Variants in ZHX3 observed in about 807,000 individuals in gnomAD.
The protein encoded by ZHX3 is zinc fingers and homeoboxes protein 3.
In ZHX3, 20 loss-of-function variants were observed where a neutral mutation model predicts 64.5. The observed-to-expected ratio is 0.31, with a 90% CI of 0.22 to 0.45. ZHX3 has a LOEUF of 0.45. Ranked by LOEUF, ZHX3 falls within the 20% of genes least tolerant of loss-of-function variation. ZHX3 has a pLI of 1.00. For missense variants in ZHX3, 1,041 were observed against 1,195.8 expected (o/e 0.87, Z 1.91); for synonymous variants, 423 against 461.6 (o/e 0.92, Z 1.07).
chr20:41,234,603 A>C (rs2040838371), intron 2 of ZHX3, among the ~76,000 whole-genome samples: 1 of 152,230 alleles, frequency 6.6e-6, no homozygotes, highest in South Asian at 2.1e-4. Flanking sequence ...CTTCTTGAGC[A>C]CTCAGAAGAA....
intron 2 of ZHX3, among the ~76,000 whole-genome samples, chr20:41,208,068 A>C (rs2038868664): frequency 6.6e-6 from 1 of 152,248 alleles, no homozygotes; most frequent in East Asian, 1.9e-4. Flanking sequence ...AAATACCTCT[A>C]CGCAAATAAA....
intron 2 of ZHX3, among the ~76,000 whole-genome samples, chr20:41,225,526 C>G (rs532873150): frequency 1.3e-5 from 2 of 152,176 alleles, no homozygotes; most frequent in Admixed American, 1.3e-4. Context: ...TCACTCTTGT[C>G]GCTCAGGTTG....
At chr20:41,229,067 C>A (rs371052781) in intron 2 of ZHX3, among the ~76,000 whole-genome samples, 6 of 152,290 alleles carry the variant, frequency 3.9e-5, no homozygotes, top group East Asian at 1.9e-4. Context: ...ACAATAACTC[C>A]CATTTCCTGC....
chr20:41,222,621 A>C (rs1467903947), intron 2 of ZHX3, among the ~76,000 whole-genome samples: 1 of 152,232 alleles, frequency 6.6e-6, no homozygotes, highest in Admixed American at 6.5e-5. Context: ...TATAAGAGCC[A>C]AGTAGTTAGA....
intron 2 of ZHX3, among the ~76,000 whole-genome samples, chr20:41,242,014 C>T (rs1402711077): frequency 1.3e-5 from 2 of 151,800 alleles, no homozygotes; most frequent in East Asian, 1.9e-4. Context: ...CATGTGTGCA[C>T]CTGTCATTAT....
At position 41,180,492 on chromosome 20, in the gene ZHX3, T is replaced by G. The variant is rs1023916524; in HGVS notation, c.*4699A>C. ...CTGGATCTAGAGCTAAATAGAAACTTCTTTGCCATAGAAACTTCTCTGTTG... is the reference window on the plus strand; with the variant it reads ...CTGGATCTAGAGCTAAATAGAAACTGCTTTGCCATAGAAACTTCTCTGTTG... On this transcript the variant is annotated 3_prime_UTR_variant, in exon 4 of 4. Transcript: ENST00000683867. The G allele has an allele frequency of 6.6e-6, 1 of 152,138 alleles. No individual in the cohort carries two copies. Among genetic ancestry groups the G allele is most frequent in the African/African-American group, 2.4e-5 (1 of 41,410 alleles). 9.4% of individuals were successfully genotyped at this position (152,138 alleles called of 1,614,324 possible). A position where few individuals can be genotyped will look rare whatever the true frequency, so the allele number is the denominator to read the frequency against.
intron 3 of ZHX3, among the ~76,000 whole-genome samples, chr20:41,194,845 T>C (rs2037352348): frequency 6.6e-6 from 1 of 152,210 alleles, no homozygotes; most frequent in South Asian, 2.1e-4. Flanking sequence ...CTGTTAATAG[T>C]AGTCTCTTAT....
At chr20:41,207,272 T>C (rs2038793616) in intron 2 of ZHX3, among the ~76,000 whole-genome samples, 1 of 152,086 alleles carries the variant, frequency 6.6e-6, no homozygotes, top group African/African-American at 2.4e-5. Flanking sequence ...GCTAACATCA[T>C]AATGACAGGA....
At chr20:41,265,610 A>T (rs1260324617) in intron 2 of ZHX3, among the ~76,000 whole-genome samples, 1 of 152,102 alleles carries the variant, frequency 6.6e-6, no homozygotes, top group Non-Finnish European at 1.5e-5. Flanking sequence ...AGCTTTTTAA[A>T]TGTTGATGTC....
At chr20:41,288,406 G>A (rs2044047255) in intron 1 of ZHX3, among the ~76,000 whole-genome samples, 1 of 152,176 alleles carries the variant, frequency 6.6e-6, no homozygotes, top group South Asian at 2.1e-4. Flanking sequence ...CTTTTGCCTA[G>A]AAAAGTTACA....
intron 2 of ZHX3, among the ~76,000 whole-genome samples, chr20:41,215,432 G>GT (rs2039450331): frequency 6.6e-6 from 1 of 152,058 alleles, no homozygotes; most frequent in Admixed American, 6.6e-5. Context: ...ACATATGTGA[G>GT]TTTTTTAGAT....
chr20:41,196,466 A>ATT (rs2037612483), intron 3 of ZHX3, among the ~76,000 whole-genome samples: 19 of 43,282 alleles, frequency 4.4e-4, no homozygotes, highest in East Asian at 2.4e-3. Flanking sequence ...ATTTATATAT[A>ATT]ATATATATTT....
In ZHX3 at chr20:41,310,687, T is replaced by C. The variant is rs555592635; in HGVS notation, c.-245+6822A>G. Among the ~76,000 whole-genome samples, 286 of 152,212 alleles carry C rather than the reference T, an allele frequency of 1.9e-3. 2 individuals are homozygous for C. The highest frequency in any genetic ancestry group is 1.0e-2 in the South Asian group (48 of 4,818). On this transcript the variant is annotated intron_variant, in intron 1 of 3. Transcript: ENST00000683867. ...TCTAAAGATGGGGAAGAGGTTTTTT[T>C]TTTTTTAAAGAAAGCTATCTTACTT...
chr20:41,210,656 T>C (rs2039089579), intron 2 of ZHX3, among the ~76,000 whole-genome samples: 2 of 152,000 alleles, frequency 1.3e-5, no homozygotes, highest in Non-Finnish European at 2.9e-5. Flanking sequence ...ATGAGAATAC[T>C]TGGACACAGG....
At chr20:41,309,482 T>C (rs4812492) in intron 1 of ZHX3, among the ~76,000 whole-genome samples, 99,524 of 152,120 alleles carry the variant, frequency 0.65, 33,414 homozygotes, top group East Asian at 0.82. Flanking sequence ...TACATCCTCA[T>C]ATGATTTTCA....
intron 2 of ZHX3, among the ~76,000 whole-genome samples, chr20:41,210,335 T>C (rs1013269696): frequency 6.6e-6 from 1 of 152,174 alleles, no homozygotes; most frequent in African/African-American, 2.4e-5. Flanking sequence ...GACCCAGCCA[T>C]CCCATTACTG....
chr20:41,257,175 T>C (rs1360875664), intron 2 of ZHX3, among the ~76,000 whole-genome samples: 8 of 152,234 alleles, frequency 5.3e-5, no homozygotes, highest in African/African-American at 1.9e-4. Flanking sequence ...CAGGCCATCT[T>C]GGCCTCAGCA....
intron 2 of ZHX3, among the ~76,000 whole-genome samples, chr20:41,222,220 G>A (rs773602531): frequency 8.5e-5 from 13 of 152,198 alleles, no homozygotes; most frequent in Non-Finnish European, 1.3e-4. Context: ...AAGTAAAGCC[G>A]AAAAGACTTC....
In ZHX3 at chr20:41,195,988, A is replaced by G. The variant is rs547675426; in HGVS notation, c.2860+6069T>C. On this transcript the variant is annotated intron_variant, in intron 3 of 3. Coordinates refer to ENST00000683867, the MANE Select transcript of ZHX3 (RefSeq NM_001384317.1). The surrounding 1 kb of genome is among the most constrained non-coding windows in gnomAD (Gnocchi z 4.2). Reference sequence around the variant, plus strand: ...TCTCAGTTTTTAAAAATGTATTAACACTTGTTTCATGGCTTAACATACGGT... The same window carrying G: ...TCTCAGTTTTTAAAAATGTATTAACGCTTGTTTCATGGCTTAACATACGGT... Among the ~76,000 whole-genome samples, 6 of 152,062 alleles carry G rather than the reference A, an allele frequency of 3.9e-5. No individual in the cohort carries two copies. Among genetic ancestry groups the G allele is most frequent in the African/African-American group, 1.2e-4 (5 of 41,480 alleles).
Sources: gnomAD v4.1 joint callset for allele counts (sites outside exome capture counted in the v4.1 genomes callset) on GRCh38, gnomAD v4.1.1 for gene constraint, Gnocchi (gnomAD v3.1) non-coding constraint, MANE v1.5 for transcripts, NCBI Gene and HGNC (gene_info 2026-07-23, HGNC 2026-07-21) for gene names.